IRAK2: variants seen among roughly 807,000 people sequenced by gnomAD.
The protein encoded by IRAK2 is interleukin-1 receptor-associated kinase-like 2.
A neutral mutation model predicts 72.0 loss-of-function variants in IRAK2; 57 were observed. The observed-to-expected ratio is 0.79, with a 90% CI of 0.64 to 0.99. The LOEUF is 0.99. Among genes scored for constraint, IRAK2 ranks in the 50% least tolerant of loss-of-function variants. The pLI, the probability that IRAK2 is intolerant of heterozygous loss-of-function variation, is 0.00. For missense variants in IRAK2, 790 were observed against 794.4 expected, an observed-to-expected ratio of 0.99 and a Z score of 0.07; for synonymous variants, 293 against 312.7, an observed-to-expected ratio of 0.94 and a Z score of 0.67.
In IRAK2 at chr3:10,222,786, G is replaced by A; in HGVS notation, c.1164G>A (p.Arg388=). ...CGTATCTGCCAGAGGATTTCATCCG[G>A]GTGGGGCAGCTGACAAAGCGAGTGG... ...SAAYLPEDFI[R]VGQLTKRVDI... The change falls in exon 9 of 13, where the codon CGG becomes CGA. Residue 388 remains arginine, a synonymous_variant. Transcript: ENST00000256458. The A allele has an allele frequency of 1.2e-6, 2 of 1,614,168 alleles. No homozygotes were observed. Among genetic ancestry groups the A allele is most frequent in the Non-Finnish European group, 1.7e-6 (2 of 1,180,026 alleles).
intron 3 of IRAK2, among the ~76,000 whole-genome samples, chr3:10,206,161 G>T (rs1697430416): frequency 6.6e-6 from 1 of 152,230 alleles, no homozygotes; most frequent in Admixed American, 6.5e-5. Context: ...AGGAAGGCTG[G>T]GTGGGCACTT....
intron 1 of IRAK2, among the ~76,000 whole-genome samples, chr3:10,171,138 G>T (rs1000525382): frequency 5.3e-5 from 8 of 152,222 alleles, no homozygotes; most frequent in Non-Finnish European, 1.0e-4. Flanking sequence ...GGCTTTGCCT[G>T]AGCCTGTGTA....
At chr3:10,234,770 C>A in intron 11 of IRAK2, 111 bp downstream of exon 11, 2 of 957,394 alleles carry the variant, frequency 2.1e-6, no homozygotes, top group Non-Finnish European at 3.1e-6. Context: ...TGCTTGCTTG[C>A]AAGCCGCAGA....
chr3:10,200,303 A>C (rs263410), intron 2 of IRAK2, 66 bp from the exon 3 acceptor site: 1,120,499 of 1,380,874 alleles, frequency 0.81, 462,405 homozygotes, highest in Non-Finnish European at 0.85. Flanking sequence ...GACTTCCAGA[A>C]CCAGTCTCTC....
Position 10,243,604 on chromosome 3 carries a change from C to T in IRAK2, c.*1376C>T, listed in dbSNP as rs571798999. On this transcript the variant is annotated 3_prime_UTR_variant, in exon 13 of 13. Coordinates refer to ENST00000256458, the MANE Select transcript of IRAK2 (RefSeq NM_001570.4). ...TTCTGCCATGTACCTAATGATTATT[C>T]AGTGCGTATATATCTGAAAAGTCAT... is the stretch of plus-strand genomic sequence containing the variant. The T allele has an allele frequency of 1.9e-4, 29 of 152,776 alleles. No individual in the cohort carries two copies. The highest frequency in any genetic ancestry group is 6.5e-4 in the African/African-American group (27 of 41,588). The allele number at this position is 152,776 out of a possible 1,614,324, so 9.5% of individuals were successfully genotyped here.
At chr3:10,224,590 C>T (rs1697742763) in intron 9 of IRAK2, among the ~76,000 whole-genome samples, 1 of 150,190 alleles carries the variant, frequency 6.7e-6, no homozygotes, top group African/African-American at 2.5e-5. Flanking sequence ...CACCTTTACA[C>T]CCTCCTTCTG....
Position 10,214,929 on chromosome 3 carries a change from A to G in IRAK2, c.788+1381A>G, listed in dbSNP as rs1298632284. Among the ~76,000 whole-genome samples the G allele has an allele frequency of 2.0e-5, 3 of 151,942 alleles. No homozygotes were observed. The East Asian group carries it at 5.8e-4, about 29-fold the overall frequency. ...GGCAACATGGCAAAACCCCGTCTCT[A>G]CAAAAAATACAAAAATTAGCTGGGT... On this transcript the variant is annotated intron_variant, in intron 6 of 12. Transcript: ENST00000256458.
intron 1 of IRAK2, among the ~76,000 whole-genome samples, chr3:10,174,570 G>A (rs1399619740): frequency 1.3e-5 from 2 of 151,952 alleles, no homozygotes; most frequent in Non-Finnish European, 2.9e-5. Flanking sequence ...TGTTGCCCAC[G>A]CTGGAGTGCA....
intron 1 of IRAK2, among the ~76,000 whole-genome samples, chr3:10,175,797 G>A (rs369152898): frequency 5.6e-4 from 84 of 150,850 alleles, no homozygotes; most frequent in African/African-American, 1.7e-3. Flanking sequence ...GGCTGAGGCC[G>A]GAGAATGGCC....
intron 4 of IRAK2, among the ~76,000 whole-genome samples, chr3:10,211,334 G>A (rs1464087019): frequency 3.9e-5 from 6 of 152,022 alleles, no homozygotes; most frequent in Non-Finnish European, 5.9e-5. Flanking sequence ...TAGAGACACG[G>A]TTTCACCATA....
intron 11 of IRAK2, 45 bp from the exon 12 acceptor site, chr3:10,238,703 C>A: frequency 6.4e-7 from 1 of 1,572,830 alleles, no homozygotes; most frequent in Non-Finnish European, 8.7e-7. Flanking sequence ...ATTTCTATTT[C>A]AGAGAGAATT....
At chr3:10,221,425 T>C (rs2125159553) in intron 8 of IRAK2, among the ~76,000 whole-genome samples, 1 of 150,138 alleles carries the variant, frequency 6.7e-6, no homozygotes, top group Admixed American at 6.6e-5. Context: ...GGCTAACTTT[T>C]TGTATTTTTA....
At chr3:10,168,284 C>A (rs546827671) in intron 1 of IRAK2, among the ~76,000 whole-genome samples, 1 of 151,208 alleles carries the variant, frequency 6.6e-6, no homozygotes, top group African/African-American at 2.4e-5. Context: ...GATCTCGGCT[C>A]GCTGCAACCT....
intron 1 of IRAK2, among the ~76,000 whole-genome samples, chr3:10,175,862 G>T (rs1223228557): frequency 7.5e-6 from 1 of 132,670 alleles, no homozygotes; most frequent in Non-Finnish European, 1.5e-5. Context: ...CTGCACTCCA[G>T]CCTGGGTGAC....
At chr3:10,204,680 C>G (rs113812169) in intron 3 of IRAK2, among the ~76,000 whole-genome samples, 1 of 151,822 alleles carries the variant, frequency 6.6e-6, no homozygotes. Context: ...ACCTGGGAGG[C>G]GGAGGTTGCA....
chr3:10,237,361 G>A (rs569559420), intron 11 of IRAK2, among the ~76,000 whole-genome samples: 1 of 152,296 alleles, frequency 6.6e-6, no homozygotes, highest in East Asian at 1.9e-4. Flanking sequence ...TGAAAGAACA[G>A]CTGGGTCAGG....
chr3:10,188,916 C>T (rs1286293049), intron 2 of IRAK2, among the ~76,000 whole-genome samples: 1 of 152,254 alleles, frequency 6.6e-6, no homozygotes, highest in Admixed American at 6.5e-5. Context: ...CCGCCTTGGC[C>T]TCCCAAAATA....
intron 10 of IRAK2, among the ~76,000 whole-genome samples, chr3:10,228,982 G>C (rs911282055): frequency 6.6e-6 from 1 of 151,876 alleles, no homozygotes; most frequent in Non-Finnish European, 1.5e-5. Flanking sequence ...GCCCAGGCTG[G>C]AGTGCAGTGG....
chr3:10,184,950 G>GAT (rs1697029218), intron 2 of IRAK2, among the ~76,000 whole-genome samples: 1 of 149,966 alleles, frequency 6.7e-6, no homozygotes, highest in East Asian at 2.0e-4. Flanking sequence ...TGTTAGCCAG[G>GAT]GTGATCTCCT....
Sources: allele counts gnomAD v4.1 joint callset (sites outside exome capture counted in the v4.1 genomes callset), GRCh38; gene constraint gnomAD v4.1.1; transcripts MANE v1.5; gene names NCBI Gene and HGNC (gene_info 2026-07-23, HGNC 2026-07-21).